Variants in PECAM1 observed in about 807,000 individuals in gnomAD.
PECAM1 encodes the protein platelet endothelial cell adhesion molecule.
A neutral mutation model predicts 13.8 loss-of-function variants in PECAM1; 8 were observed. That is an observed-to-expected ratio of 0.58 (90% CI 0.34 to 1.05). The LOEUF (loss-of-function observed/expected upper bound fraction) is 1.05. Ranked by LOEUF, PECAM1 falls within the 50% of genes least tolerant of loss-of-function variation. The pLI is 0.03. For missense variants in PECAM1, 304 were observed against 141.2 expected (o/e 2.15, Z -5.84); for synonymous variants, 136 against 52.6 (o/e 2.58, Z -6.86).
intron 15 of PECAM1, 99 bp from the exon 16 acceptor site, chr17:64,323,944 A>G (rs1555645095): frequency 1.3e-6 from 1 of 790,732 alleles, no homozygotes. Context: ...TTCTCAAAGA[A>G]AATGCAAAGC....
intron 5 of PECAM1, among the ~76,000 whole-genome samples, chr17:64,363,665 G>A: frequency 6.6e-6 from 1 of 152,142 alleles, no homozygotes; most frequent in East Asian, 1.9e-4. Context: ...TGCAACTTGT[G>A]GCCAGGTGTG....
intron 2 of PECAM1, among the ~76,000 whole-genome samples, chr17:64,381,720 C>T (rs2036484715): frequency 6.6e-6 from 1 of 152,192 alleles, no homozygotes; most frequent in Non-Finnish European, 1.5e-5. Context: ...CACAGCATTA[C>T]TCTTTGGAAC....
chr17:64,365,132 T>C (rs2036074448), intron 5 of PECAM1, among the ~76,000 whole-genome samples: 1 of 149,938 alleles, frequency 6.7e-6, no homozygotes, highest in African/African-American at 2.4e-5. Context: ...AGTCTCAGGA[T>C]ACAAAATCAA....
chr17:64,390,848 A>G lies in PECAM1; in HGVS notation c.-183T>C, dbSNP rs2036704648. 2 of 396,580 alleles carry G rather than the reference A, an allele frequency of 5.0e-6. No homozygotes were observed. Among genetic ancestry groups the G allele is most frequent in the Non-Finnish European group, 4.4e-6 (1 of 225,334 alleles). 24.6% of individuals were successfully genotyped at this position (396,580 alleles called of 1,614,324 possible). The stretch of plus-strand genomic sequence containing the variant: ...TGGCGCTGGTCAGGTAATGGCAGCC[A>G]TGGCTGGAAACCGGGAACAATGGGG... On this transcript the variant is annotated 5_prime_UTR_variant, in exon 1 of 16. It removes an upstream start codon present in the reference 5' UTR. Coordinates refer to ENST00000563924, the MANE Select transcript of PECAM1 (RefSeq NM_000442.5).
At chr17:64,366,956 C>T (rs2036121696) in intron 5 of PECAM1, among the ~76,000 whole-genome samples, 1 of 139,148 alleles carries the variant, frequency 7.2e-6, no homozygotes, top group Non-Finnish European at 1.5e-5. Flanking sequence ...CACATGTACC[C>T]TAAAACTTAA....
intron 5 of PECAM1, among the ~76,000 whole-genome samples, chr17:64,367,705 G>C (rs902660565): frequency 1.9e-4 from 29 of 152,184 alleles, no homozygotes; most frequent in African/African-American, 6.8e-4. Context: ...GACTGGTCTA[G>C]TTATGTCTAT....
intron 10 of PECAM1, among the ~76,000 whole-genome samples, chr17:64,352,731 T>G (rs1215400049): frequency 6.6e-6 from 1 of 152,076 alleles, no homozygotes; most frequent in Non-Finnish European, 1.5e-5. Flanking sequence ...CTCGGATCAC[T>G]GCAGCCTCCG....
intron 14 of PECAM1, among the ~76,000 whole-genome samples, chr17:64,333,802 T>C (rs4130373): frequency 0.31 from 46,283 of 151,132 alleles, 7,149 homozygotes; most frequent in African/African-American, 0.35. Flanking sequence ...TACTAAAATA[T>C]AAAAATATTT....
At chr17:64,352,535 C>T (rs2035749308) in intron 10 of PECAM1, 72 bp from the exon 11 acceptor site, 1 of 412,222 alleles carries the variant, frequency 2.4e-6, no homozygotes, top group African/African-American at 2.1e-5. Context: ...TAACCCCAAA[C>T]CACCAAAGTA....
intron 2 of PECAM1, among the ~76,000 whole-genome samples, chr17:64,389,869 G>A (rs2036678179): frequency 6.6e-6 from 1 of 151,992 alleles, no homozygotes; most frequent in Non-Finnish European, 1.5e-5. Flanking sequence ...CCAACATGGT[G>A]AAACCCTGTC....
chr17:64,361,920 A>G (rs2035992134), intron 6 of PECAM1, among the ~76,000 whole-genome samples: 1 of 152,224 alleles, frequency 6.6e-6, no homozygotes, highest in South Asian at 2.1e-4. Context: ...GTTATAACAC[A>G]CATTTGTCTC....
intron 13 of PECAM1, among the ~76,000 whole-genome samples, chr17:64,344,080 G>A (rs2035502024): frequency 6.6e-6 from 1 of 152,124 alleles, no homozygotes; most frequent in South Asian, 2.1e-4. Context: ...CATATACCAG[G>A]CGCATGGTGG....
chr17:64,345,758 C>T (rs1050405947), intron 13 of PECAM1, among the ~76,000 whole-genome samples: 13 of 151,262 alleles, frequency 8.6e-5, no homozygotes, highest in African/African-American at 2.4e-4. Context: ...TCAGGCCTGC[C>T]GCGTTCCCCA....
intron 14 of PECAM1, among the ~76,000 whole-genome samples, chr17:64,339,148 T>C (rs2035362492): frequency 6.6e-6 from 1 of 152,086 alleles, no homozygotes; most frequent in South Asian, 2.1e-4. Flanking sequence ...GCAGAGGTGG[T>C]AAGGAGCTGG....
intron 6 of PECAM1, among the ~76,000 whole-genome samples, chr17:64,361,945 T>C (rs2035992761): frequency 1.3e-5 from 2 of 152,218 alleles, no homozygotes; most frequent in South Asian, 4.2e-4. Flanking sequence ...ATTCCTGCCT[T>C]TTGAGTTAGG....
chr17:64,344,527 C>T (rs2035515731), intron 13 of PECAM1, among the ~76,000 whole-genome samples: 1 of 152,038 alleles, frequency 6.6e-6, no homozygotes, highest in African/African-American at 2.4e-5. Context: ...CCCTCCTCCA[C>T]CCCAAGTGAC....
At chr17:64,336,669 G>C (rs1377194761) in intron 14 of PECAM1, among the ~76,000 whole-genome samples, 1 of 152,138 alleles carries the variant, frequency 6.6e-6, no homozygotes, top group Non-Finnish European at 1.5e-5. Context: ...CAGATCACTT[G>C]AGCCCAGGAA....
At chr17:64,374,771 G>A (rs888238035) in intron 4 of PECAM1, among the ~76,000 whole-genome samples, 2 of 136,200 alleles carry the variant, frequency 1.5e-5, no homozygotes, top group East Asian at 2.2e-4. Flanking sequence ...GCGACAGAGC[G>A]AGACTCTGTC....
chr17:64,363,848 G>A (rs1568028028), intron 5 of PECAM1, among the ~76,000 whole-genome samples: 1 of 151,988 alleles, frequency 6.6e-6, no homozygotes, highest in Non-Finnish European at 1.5e-5. Context: ...GGAGGCTGAG[G>A]CAAGAGAATC....
Sources: allele counts gnomAD v4.1 joint callset (sites outside exome capture counted in the v4.1 genomes callset), GRCh38; gene constraint gnomAD v4.1.1; transcripts MANE v1.5; gene names NCBI Gene and HGNC (gene_info 2026-07-23, HGNC 2026-07-21).